The following PTPRD variants were observed in gnomAD, a reference collection of about 807,000 sequenced individuals.
The protein encoded by PTPRD is receptor-type tyrosine-protein phosphatase delta.
PTPRD carries 34 observed loss-of-function variants against 214.5 expected under a neutral mutation model. The observed-to-expected ratio is 0.16, with a 90% CI of 0.12 to 0.21. PTPRD has a LOEUF of 0.21. PTPRD is among the 10% of genes least tolerant of loss of function. The pLI, the probability that PTPRD is intolerant of heterozygous loss-of-function variation, is 1.00. For synonymous variants in PTPRD, 1,128 were observed against 845.7 expected (o/e 1.33, Z -5.79); for missense variants, 2,545 against 2,398.7 (o/e 1.06, Z -1.27).
At chr9:8,583,129 C>T (rs574786119) in intron 14 of PTPRD, among the ~76,000 whole-genome samples, 2 of 152,256 alleles carry the variant, frequency 1.3e-5, no homozygotes, top group African/African-American at 4.8e-5. Flanking sequence ...GAGTGCACCA[C>T]CTAGATCCCT....
At chr9:9,682,403 T>G (rs1209746179) in intron 7 of PTPRD, among the ~76,000 whole-genome samples, 3 of 151,794 alleles carry the variant, frequency 2.0e-5, no homozygotes, top group Non-Finnish European at 1.5e-5. Flanking sequence ...TCTGTCAAAG[T>G]CAGGAGGTGA....
At chr9:8,856,119 G>A (rs1602002612) in intron 11 of PTPRD, among the ~76,000 whole-genome samples, 1 of 152,110 alleles carries the variant, frequency 6.6e-6, no homozygotes, top group South Asian at 2.1e-4. Context: ...AGTGTCTGTA[G>A]CATAAAGCAG....
At chr9:8,628,909 T>C (rs1300322582) in intron 14 of PTPRD, among the ~76,000 whole-genome samples, 1 of 151,870 alleles carries the variant, frequency 6.6e-6, no homozygotes, top group Non-Finnish European at 1.5e-5. Flanking sequence ...AGATATGTTC[T>C]ATGAACAAAG....
chr9:10,223,606 T>C (rs1240322637), intron 3 of PTPRD, among the ~76,000 whole-genome samples: 2 of 150,898 alleles, frequency 1.3e-5, no homozygotes, highest in Non-Finnish European at 3.0e-5. Flanking sequence ...GGAGGTTGCA[T>C]TGAGCCAAGA....
intron 3 of PTPRD, among the ~76,000 whole-genome samples, chr9:10,268,528 AC>A (rs1403259643): frequency 5.3e-5 from 8 of 152,074 alleles, no homozygotes; most frequent in Non-Finnish European, 1.2e-4. Flanking sequence ...TTACCAAGTA[AC>A]TTTTGATCCT....
chr9:10,056,378 C>T (rs549609580), intron 3 of PTPRD, among the ~76,000 whole-genome samples: 13 of 150,026 alleles, frequency 8.7e-5, no homozygotes, highest in Admixed American at 2.7e-4. Flanking sequence ...CACCTTTCTT[C>T]AGGTGCAAAA....
At chr9:8,772,984 T>G (rs1385566629) in intron 11 of PTPRD, among the ~76,000 whole-genome samples, 1 of 152,160 alleles carries the variant, frequency 6.6e-6, no homozygotes, top group Non-Finnish European at 1.5e-5. Flanking sequence ...AGTCAATTTT[T>G]CCCCACTTCT....
At chr9:9,276,300 A>C (rs992613074) in intron 9 of PTPRD, among the ~76,000 whole-genome samples, 1 of 151,458 alleles carries the variant, frequency 6.6e-6, no homozygotes, top group African/African-American at 2.4e-5. Flanking sequence ...AGCAGAAGAA[A>C]TAATATATTG....
intron 9 of PTPRD, among the ~76,000 whole-genome samples, chr9:9,270,550 T>C (rs761937953): frequency 2.0e-5 from 3 of 151,116 alleles, no homozygotes; most frequent in Non-Finnish European, 3.0e-5. Context: ...AACTACAGAG[T>C]ATAATGTGCT....
chr9:9,861,868 C>A (rs1054291950), intron 5 of PTPRD, among the ~76,000 whole-genome samples: 1 of 152,174 alleles, frequency 6.6e-6, no homozygotes, highest in Non-Finnish European at 1.5e-5. Context: ...TACTCTCCCC[C>A]TGCATCATAT....
rs559191696 is a variant in PTPRD at position 9,658,267 on chromosome 9, T to C, written c.-287+76266A>G. On this transcript the variant is annotated intron_variant, in intron 7 of 45. Coordinates refer to ENST00000381196, the MANE Select transcript of PTPRD (RefSeq NM_002839.4). ...TTGCTCTGGAAGAACAAAGAGGATA[T>C]ACTAGGTTGTTTTTGGTGAAAATTT... Among the ~76,000 whole-genome samples the C allele has an allele frequency of 2.6e-5, 4 of 152,264 alleles. No homozygotes were observed. The South Asian group carries it at 8.3e-4, about 32-fold the overall frequency.
intron 8 of PTPRD, among the ~76,000 whole-genome samples, chr9:9,564,004 A>C (rs2083644535): frequency 6.6e-6 from 1 of 152,136 alleles, no homozygotes; most frequent in Admixed American, 6.6e-5. Context: ...TCAACTGAGT[A>C]GGTGAGAGCT....
intron 4 of PTPRD, among the ~76,000 whole-genome samples, chr9:9,988,104 AT>A (rs1202321834): frequency 6.6e-6 from 1 of 152,168 alleles, no homozygotes; most frequent in African/African-American, 2.4e-5. Context: ...TGATAGCTAA[AT>A]TTATCATAAC....
chr9:8,977,136 A>G (rs1161306157), intron 11 of PTPRD, among the ~76,000 whole-genome samples: 3 of 152,062 alleles, frequency 2.0e-5, no homozygotes, highest in Non-Finnish European at 4.4e-5. Context: ...AATATCTCTG[A>G]TATCTATTCT....
chr9:9,346,944 C>T (rs1298201176), intron 9 of PTPRD, among the ~76,000 whole-genome samples: 5 of 152,182 alleles, frequency 3.3e-5, no homozygotes, highest in East Asian at 3.9e-4. Context: ...CCGCCCACCT[C>T]GGCCTTCTAA....
intron 10 of PTPRD, among the ~76,000 whole-genome samples, chr9:9,160,574 G>T (rs1487355313): frequency 1.3e-5 from 2 of 152,102 alleles, no homozygotes. Context: ...CTTGTCTTTT[G>T]CTGGTGGAAA....
At chr9:8,905,671 C>T (rs556115823) in intron 11 of PTPRD, among the ~76,000 whole-genome samples, 2 of 147,906 alleles carry the variant, frequency 1.4e-5, no homozygotes, top group East Asian at 2.0e-4. Flanking sequence ...CCAGGGAGAC[C>T]GAGGTTGCAG....
chr9:10,036,131 G>C (rs555648290), intron 3 of PTPRD, among the ~76,000 whole-genome samples: 74 of 152,122 alleles, frequency 4.9e-4, no homozygotes, highest in African/African-American at 1.7e-3. Flanking sequence ...CGCAGTATTA[G>C]GTATTTCAAA....
At chr9:8,988,360 A>C (rs1334003459) in intron 11 of PTPRD, among the ~76,000 whole-genome samples, 1 of 152,068 alleles carries the variant, frequency 6.6e-6, no homozygotes, top group Non-Finnish European at 1.5e-5. Flanking sequence ...CTGTTTCTTT[A>C]ACTCCCATCA....
Sources: allele counts gnomAD v4.1 joint callset (sites outside exome capture counted in the v4.1 genomes callset), GRCh38; gene constraint gnomAD v4.1.1; transcripts MANE v1.5; gene names NCBI Gene and HGNC (gene_info 2026-07-23, HGNC 2026-07-21).